EPHB1: variants seen among roughly 807,000 people sequenced by gnomAD.
EPHB1 encodes the protein ephrin type-B receptor 1.
A neutral mutation model predicts 94.4 loss-of-function variants in EPHB1; 30 were observed. The ratio of observed to expected loss-of-function variants is 0.32; its 90% CI spans 0.24 to 0.43. EPHB1 has a LOEUF of 0.43. Ranked by LOEUF, EPHB1 falls within the 20% of genes least tolerant of loss-of-function variation. The pLI is 1.00. For synonymous variants in EPHB1, 522 were observed against 489.1 expected (o/e 1.07, Z -0.89); for missense variants, 1,055 against 1,308.3 (o/e 0.81, Z 2.99).
At chr3:134,944,712 G>A (rs986343776) in intron 2 of EPHB1, among the ~76,000 whole-genome samples, 2 of 152,152 alleles carry the variant, frequency 1.3e-5, no homozygotes, top group African/African-American at 2.4e-5. Flanking sequence ...ATAAAGCTCT[G>A]GAGGTGGTGG....
chr3:135,018,337 C>T lies in EPHB1; in HGVS notation c.805+66285C>T, dbSNP rs576994677. ...CAAGAGCTGACTTCCTGGGGGCTTC[C>T]TGGGGACAAAGTCTACACAGCCCAT... On this transcript the variant is annotated intron_variant, in intron 3 of 15. Transcript: ENST00000398015. Among the ~76,000 whole-genome samples, 34 of 152,224 alleles carry T rather than the reference C, an allele frequency of 2.2e-4. 1 individual carries two copies. Among genetic ancestry groups the T allele is most frequent in the African/African-American group, 7.5e-4 (31 of 41,536 alleles).
intron 3 of EPHB1, among the ~76,000 whole-genome samples, chr3:135,003,769 C>T (rs1935279357): frequency 1.3e-5 from 2 of 151,932 alleles, no homozygotes; most frequent in Admixed American, 1.3e-4. Context: ...TTATCAGAGA[C>T]TAGGATTGCA....
At chr3:135,167,460 A>T (rs986652785) in intron 9 of EPHB1, among the ~76,000 whole-genome samples, 2 of 152,236 alleles carry the variant, frequency 1.3e-5, no homozygotes, top group South Asian at 4.1e-4. Flanking sequence ...AGAGCCCAAG[A>T]GGCCAAAGTG....
intron 12 of EPHB1, among the ~76,000 whole-genome samples, chr3:135,206,343 T>A (rs548311577): frequency 2.4e-4 from 37 of 152,340 alleles, no homozygotes; most frequent in Non-Finnish European, 4.1e-4. Context: ...AGGTGAACAA[T>A]TATGCCAGCA....
At chr3:135,217,426 A>C (rs1188542280) in intron 12 of EPHB1, among the ~76,000 whole-genome samples, 2 of 12,750 alleles carry the variant, frequency 1.6e-4, no homozygotes, top group African/African-American at 6.0e-4. Flanking sequence ...CATCAGTACC[A>C]CACACACACA....
intron 1 of EPHB1, among the ~76,000 whole-genome samples, chr3:134,914,715 G>T (rs542167508): frequency 4.6e-5 from 7 of 152,146 alleles, no homozygotes; most frequent in Non-Finnish European, 8.8e-5. Flanking sequence ...GTTTACAAAG[G>T]TTCACAGAGT....
At chr3:135,233,952 C>A (rs1232288785) in intron 12 of EPHB1, among the ~76,000 whole-genome samples, 2 of 152,140 alleles carry the variant, frequency 1.3e-5, no homozygotes, top group Non-Finnish European at 2.9e-5. Flanking sequence ...GTAGGGGGAA[C>A]CTGGACCTGG....
intron 12 of EPHB1, among the ~76,000 whole-genome samples, chr3:135,213,988 C>T (rs1943085838): frequency 6.6e-6 from 1 of 152,162 alleles, no homozygotes; most frequent in South Asian, 2.1e-4. Context: ...TCAGCCCCTT[C>T]CCCTTTGACT....
At chr3:135,056,492 C>T (rs1387796223) in intron 3 of EPHB1, among the ~76,000 whole-genome samples, 1 of 152,196 alleles carries the variant, frequency 6.6e-6, no homozygotes, top group Non-Finnish European at 1.5e-5. Context: ...TCTGTTTTAC[C>T]CTTGAAGCAA....
intron 3 of EPHB1, among the ~76,000 whole-genome samples, chr3:134,994,750 T>C (rs764938824): frequency 2.0e-5 from 3 of 152,228 alleles, no homozygotes; most frequent in Non-Finnish European, 4.4e-5. Context: ...AGCACTTTCT[T>C]TGTTACATTT....
chr3:134,920,792 G>C (rs960985526), intron 1 of EPHB1, among the ~76,000 whole-genome samples: 1 of 152,192 alleles, frequency 6.6e-6, no homozygotes, highest in Non-Finnish European at 1.5e-5. Context: ...CTCACAGGAG[G>C]CTCAGACCTG....
chr3:134,830,532 G>A (rs966859144), intron 1 of EPHB1, among the ~76,000 whole-genome samples: 1 of 152,158 alleles, frequency 6.6e-6, no homozygotes, highest in African/African-American at 2.4e-5. Flanking sequence ...ATCTGGAGAT[G>A]GGGGTCTGGG....
At chr3:134,805,504 G>C (rs1466627448) in intron 1 of EPHB1, among the ~76,000 whole-genome samples, 1 of 152,106 alleles carries the variant, frequency 6.6e-6, no homozygotes, top group African/African-American at 2.4e-5. Context: ...GCCAATCATT[G>C]CAAGACCCTA....
chr3:135,076,930 G>T (rs1937949146), intron 3 of EPHB1, among the ~76,000 whole-genome samples: 2 of 152,116 alleles, frequency 1.3e-5, no homozygotes, highest in African/African-American at 4.8e-5. Flanking sequence ...AGAATTAGGG[G>T]GTAGGAGCAG....
intron 1 of EPHB1, among the ~76,000 whole-genome samples, chr3:134,909,109 T>TGGGCGGGGGG (rs574576286): frequency 4.8e-5 from 4 of 82,580 alleles, no homozygotes; most frequent in East Asian, 4.3e-4. Flanking sequence ...ACACACAAGG[T>TGGGCGGGGGG]GGGGGCGGGG....
intron 1 of EPHB1, among the ~76,000 whole-genome samples, chr3:134,917,418 A>G (rs537194959): frequency 1.1e-4 from 17 of 152,320 alleles, no homozygotes; most frequent in Admixed American, 9.2e-4. Flanking sequence ...AGGGAGAGAA[A>G]TGGCTCTGGG....
intron 1 of EPHB1, among the ~76,000 whole-genome samples, chr3:134,808,966 A>G (rs2108285228): frequency 6.6e-6 from 1 of 152,380 alleles, no homozygotes; most frequent in East Asian, 1.9e-4. Context: ...ATACCAGAGC[A>G]TCTGAATTTA....
intron 15 of EPHB1, among the ~76,000 whole-genome samples, chr3:135,252,160 T>A (rs1353801527): frequency 5.3e-5 from 8 of 151,916 alleles, no homozygotes; most frequent in Non-Finnish European, 1.0e-4. Flanking sequence ...CTGTTAAATT[T>A]TTTTTTCTGT....
At position 134,951,498 on chromosome 3, in the gene EPHB1, G is replaced by A. The variant is rs1415689583; in HGVS notation, c.251G>A (p.Arg84His). The A allele has an allele frequency of 3.7e-6, 6 of 1,610,296 alleles. No homozygotes were observed. Among genetic ancestry groups the A allele is most frequent in the African/African-American group, 1.4e-5 (1 of 73,770 alleles). ...TTCATCAACCGGCGGGGGGCCCATC[G>A]CATCTACACAGAGATGCGCTTCACT... is the stretch of plus-strand genomic sequence containing the variant. Reference protein sequence around the residue: ...TTFINRRGAHRIYTEMRFTVR... With the variant: ...TTFINRRGAHHIYTEMRFTVR... The change falls in exon 3 of 16, where the codon CGC becomes CAC. Residue 84 changes from arginine to histidine, a missense_variant. Arg to His is a conservative substitution (Grantham distance 29). Transcript: ENST00000398015. The surrounding 1 kb of genome is among the most constrained non-coding windows in gnomAD (Gnocchi z 4.5).
Sources: allele counts gnomAD v4.1 joint callset (sites outside exome capture counted in the v4.1 genomes callset), GRCh38; gene constraint gnomAD v4.1.1; non-coding constraint Gnocchi (gnomAD v3.1); transcripts MANE v1.5; gene names NCBI Gene and HGNC (gene_info 2026-07-23, HGNC 2026-07-21).